EEF2: variants seen among roughly 807,000 people sequenced by gnomAD.
EEF2 encodes the protein elongation factor 2.
Under a neutral mutation model 85.3 loss-of-function variants are expected in EEF2, and 21 were observed. The ratio of observed to expected loss-of-function variants is 0.25; its 90% CI spans 0.17 to 0.35. EEF2 has a LOEUF of 0.35. Ranked by LOEUF, EEF2 falls within the 10% of genes least tolerant of loss-of-function variation. The probability of loss-of-function intolerance (pLI) is 1.00; values close to 1 mark genes in which losing one functional copy is unlikely to be tolerated. For missense variants in EEF2, 825 were observed against 1,225.3 expected (o/e 0.67, Z 4.88); for synonymous variants, 723 against 508.8 (o/e 1.42, Z -5.67).
rs547169026 is a variant in EEF2 at position 3,984,652 on chromosome 19, G to A, written c.4-302C>T. 87 of 371,286 alleles carry A rather than the reference G, an allele frequency of 2.3e-4. No homozygotes were observed. The East Asian group carries it at 4.7e-3, about 20-fold the overall frequency. The allele number at this position is 371,286 out of a possible 1,614,324, so 23.0% of individuals were successfully genotyped here. A position where few individuals can be genotyped will look rare whatever the true frequency, so the allele number is the denominator to read the frequency against. On this transcript the variant is annotated intron_variant, in intron 1 of 14. Transcript: ENST00000309311. The stretch of plus-strand genomic sequence containing the variant: ...GTACAAATACTAAAGTCTCATTTGG[G>A]GCCAAACACGTAAGGGATGAATCCT...
Position 3,984,336 on chromosome 19 carries a change from T to A in EEF2, c.18A>T (p.Val6=). The change falls in exon 2 of 15, where the codon GTA becomes GTT. Residue 6 remains valine, a synonymous_variant. Coordinates refer to ENST00000309311, the MANE Select transcript of EEF2 (RefSeq NM_001961.4). ...TGTCCATGATGGCGCGGATCTGGTC[T>A]ACCGTGAAGTTCACCTGGGCAAGAC... MVNFT[V]DQIRAIMDKK... 1.9e-6 allele frequency: 3 copies of A among 1,614,128 alleles called. No individual in the cohort carries two copies. Among genetic ancestry groups the A allele is most frequent in the Non-Finnish European group, 2.5e-6 (3 of 1,179,974 alleles).
At position 3,979,444 on chromosome 19, in the gene EEF2, G is replaced by A; in HGVS notation, c.1606-8C>T. ...CGACTCCTCGATGATGCACTGAAAG[G>A]GATGCGGGTCAGCACCAAAGGGGTA... On this transcript the variant is annotated splice_polypyrimidine_tract_variant and splice_region_variant and intron_variant, in intron 10 of 14. Coordinates refer to ENST00000309311, the MANE Select transcript of EEF2 (RefSeq NM_001961.4). The A allele has an allele frequency of 1.2e-6, 2 of 1,611,984 alleles. No individual in the cohort carries two copies. The highest frequency in any genetic ancestry group is 1.7e-6 in the Non-Finnish European group (2 of 1,179,324).
rs373888946 is a variant in EEF2, at chr19:3,985,451, G to A, written c.-71C>T. 3.5e-6 allele frequency: 5 copies of A among 1,417,848 alleles called. No individual in the cohort carries two copies. In the East Asian group the frequency reaches 8.3e-5, roughly 24 times the overall value. 87.8% of individuals were successfully genotyped at this position (1,417,848 alleles called of 1,614,324 possible). A position where few individuals can be genotyped will look rare whatever the true frequency, so the allele number is the denominator to read the frequency against. ...GAGTCGCGCCGAGGATGGCGGCGAC[G>A]ACGGCGGAAGAGAACGCTGACGTCA... On this transcript the variant is annotated 5_prime_UTR_variant, in exon 1 of 15. Coordinates refer to ENST00000309311, the MANE Select transcript of EEF2 (RefSeq NM_001961.4).
At chr19:3,980,817 G>A in intron 8 of EEF2, 24 bp downstream of exon 8, 2 of 1,578,874 alleles carry the variant, frequency 1.3e-6, no homozygotes, top group South Asian at 1.1e-5. Flanking sequence ...TGCATCTCAG[G>A]GCCCGGCCAC....
intron 1 of EEF2, 129 bp downstream of exon 1, chr19:3,985,249 G>C (rs1382374710): frequency 4.6e-6 from 5 of 1,077,300 alleles, no homozygotes; most frequent in African/African-American, 1.7e-5. Flanking sequence ...CCCAGCCCCG[G>C]GTCCTCCGGC....
rs1187452219 is a variant in EEF2, at chr19:3,982,270, A to G, written c.767T>C (p.Met256Thr). 3 of 1,613,850 alleles carry G rather than the reference A, an allele frequency of 1.9e-6. No individual in the cohort carries two copies. The highest frequency in any genetic ancestry group is 8.5e-7 in the Non-Finnish European group (1 of 1,179,966). ...PAERAKKVED[M>T]MKKLWGDRYF... Reference sequence around the variant, plus strand: ...CCTGTCACCCCACAGCTTCTTCATCATGTCCTCTACTTTCTTGGCCCGCTC... The same window carrying G: ...CCTGTCACCCCACAGCTTCTTCATCGTGTCCTCTACTTTCTTGGCCCGCTC... Residue 256 changes from methionine (M) to threonine (T), a missense_variant, in exon 5 of 15, where the codon ATG (methionine) becomes ACG (threonine). Coordinates refer to ENST00000309311, the MANE Select transcript of EEF2 (RefSeq NM_001961.4).
At chr19:3,982,472 G>A (rs766394831) in intron 4 of EEF2, 48 bp from the exon 5 acceptor site, 5 of 1,611,718 alleles carry the variant, frequency 3.1e-6, no homozygotes, top group East Asian at 2.2e-5. Context: ...CCTGCGCAGA[G>A]CCTGAAGCTA....
At chr19:3,979,293 G>T in intron 11 of EEF2, 36 bp downstream of exon 11, 1 of 1,557,360 alleles carries the variant, frequency 6.4e-7, no homozygotes, top group Non-Finnish European at 8.9e-7. Flanking sequence ...GGTGTCCGGG[G>T]TGGGGCGTGG....
Position 3,976,641 on chromosome 19 carries a change from G to C in EEF2, c.2490C>G (p.Arg830=), listed in dbSNP as rs1599189474. ...GGGTCTCCGCCACCACCTGGCTGGG[G>C]CGGCTGCTGTTGTCGAAGGGGTCTC... ...LPGDPFDNSS[R]PSQVVAETRK... Residue 830 remains arginine, a synonymous_variant, in exon 15 of 15, where the codon CGC becomes CGG. Transcript: ENST00000309311. 1.2e-6 allele frequency: 2 copies of C among 1,610,306 alleles called. No individual in the cohort carries two copies. The highest frequency in any genetic ancestry group is 1.7e-6 in the Non-Finnish European group (2 of 1,178,770).
At position 3,982,234 on chromosome 19, in the gene EEF2, C is replaced by T. The variant is rs756649814; in HGVS notation, c.791+12G>A. ...GTGTCAGGAATCCCCCACCATATCC[C>T]GCGGGGCTCACCTGTCACCCCACAG... On this transcript the variant is annotated intron_variant, in intron 5 of 14. Transcript: ENST00000309311. 1.2e-5 allele frequency: 20 copies of T among 1,613,312 alleles called. No homozygotes were observed. The highest frequency in any genetic ancestry group is 6.7e-5 in the East Asian group (3 of 44,886).
In EEF2 at chr19:3,977,504, G is replaced by A; in HGVS notation, c.2174C>T (p.Ala725Val). 6.3e-7 allele frequency: 1 copy of A among 1,591,858 alleles called. No homozygotes were observed. Among genetic ancestry groups the A allele is most frequent in the African/African-American group, 1.3e-5 (1 of 74,848 alleles). Residue 725 changes from alanine (A) to valine (V), a missense_variant, in exon 13 of 15, where the codon GCA becomes GTA. By Grantham distance (64) the Ala-to-Val change is moderately conservative (BLOSUM62 0). Transcript: ENST00000309311. The surrounding 1 kb of genome is among the most constrained non-coding windows in gnomAD (Gnocchi z 5.4). ...HRGGGQIIPT[A>V]RRCLYASVLT... ...CACACTGGCATAGAGGCAGCGCCGTGCTGTGGGGATGATCTGGCCCCCTCC... is the reference window on the plus strand; with the variant it reads ...CACACTGGCATAGAGGCAGCGCCGTACTGTGGGGATGATCTGGCCCCCTCC...
chr19:3,985,145 C>G, intron 1 of EEF2: 1 of 420,704 alleles, frequency 2.4e-6, no homozygotes, highest in African/African-American at 2.0e-5. Context: ...AACAACCCAG[C>G]TCCAACCAGG....
Position 3,978,050 on chromosome 19 carries a change from G to T in EEF2, c.1836C>A (p.Gly612=), listed in dbSNP as rs201326053. The T allele has an allele frequency of 1.3e-6, 2 of 1,594,364 alleles. No individual in the cohort carries two copies. The change falls in exon 12 of 15, where the codon GGC becomes GGA. Residue 612 remains glycine (G), a synonymous_variant. Transcript: ENST00000309311. ...CGCCTTTATCGATGTCCTCGGCCAG[G>T]CCGTCGGGGAAGGGCCGCGCCTTCA... is the stretch of plus-strand genomic sequence containing the variant. ...LYMKARPFPD[G]LAEDIDKGEV...
chr19:3,978,349 G>A lies in EEF2; in HGVS notation c.1714-177C>T, dbSNP rs141977151. Reference sequence around the variant, plus strand: ...CCAAGCGCATCTCACTCCAGACAAGGACAAGGAGCAGGGGCTCCACTGAGC... The same window carrying A: ...CCAAGCGCATCTCACTCCAGACAAGAACAAGGAGCAGGGGCTCCACTGAGC... On this transcript the variant is annotated intron_variant, in intron 11 of 14. Transcript: ENST00000309311. Among the ~76,000 whole-genome samples the A allele has an allele frequency of 1.5e-3, 228 of 152,146 alleles. 1 individual carries two copies. The highest frequency in any genetic ancestry group is 9.7e-3 in the East Asian group (50 of 5,172).
Position 3,977,715 on chromosome 19 carries a change from CCCGCCTTGG to C in EEF2, c.2067+95_2067+103del, listed in dbSNP as rs1599190794. The C allele has an allele frequency of 6.8e-7, 1 of 1,479,688 alleles. No individual in the cohort carries two copies. Among genetic ancestry groups the C allele is most frequent in the Non-Finnish European group, 8.9e-7 (1 of 1,117,906 alleles). The allele number at this position is 1,479,688 out of a possible 1,614,324, so 91.7% of individuals were successfully genotyped here. Reference sequence around the variant, plus strand: ...TCCACCAGGGGGACCTGGGGCCTTGCCCGCCTTGGCCCCATTAGGGTCTCTGTCTCGGGA... The same window carrying C: ...TCCACCAGGGGGACCTGGGGCCTTGCCCCCATTAGGGTCTCTGTCTCGGGA... On this transcript the variant is annotated intron_variant, in intron 12 of 14. Coordinates refer to ENST00000309311, the MANE Select transcript of EEF2 (RefSeq NM_001961.4). This position sits in a 1 kb window ranked among gnomAD's most constrained non-coding sequence, Gnocchi z 5.4.
intron 4 of EEF2, 95 bp from the exon 5 acceptor site, chr19:3,982,519 G>A (rs1428796583): frequency 5.4e-6 from 8 of 1,467,946 alleles, no homozygotes; most frequent in Admixed American, 5.0e-5. Flanking sequence ...TCAGACGCAG[G>A]CTTTCTTCAG....
In EEF2 at chr19:3,984,176, G is replaced by A. The variant is rs769417606; in HGVS notation, c.178C>T (p.Arg60Trp). 1 of 1,614,016 alleles carries A rather than the reference G, an allele frequency of 6.2e-7. No individual in the cohort carries two copies. The highest frequency in any genetic ancestry group is 8.5e-7 in the Non-Finnish European group (1 of 1,179,996). ...RAGETRFTDT[R>W]KDEQERCITI... ...ATGCAACGCTCCTGCTCGTCCTTCC[G>A]GGTATCAGTGAAGCGTGTCTCCCCG... Residue 60 changes from arginine (R) to tryptophan (W), a missense_variant, in exon 2 of 15, where the codon CGG becomes TGG. Coordinates refer to ENST00000309311, the MANE Select transcript of EEF2 (RefSeq NM_001961.4).
At chr19:3,980,811 T>A in intron 8 of EEF2, 30 bp downstream of exon 8, 3 of 1,582,982 alleles carry the variant, frequency 1.9e-6, no homozygotes, top group Non-Finnish European at 2.6e-6. Context: ...TCCGGCTGCA[T>A]CTCAGGGCCC....
At chr19:3,979,707 AC>A (rs1256582990) in intron 10 of EEF2, 100 bp downstream of exon 10, 1 of 1,504,886 alleles carries the variant, frequency 6.6e-7, no homozygotes, top group African/African-American at 1.4e-5. Flanking sequence ...ATGACCAGTC[AC>A]CCCAATCCAC....
Sources: gnomAD v4.1 joint callset for allele counts (sites outside exome capture counted in the v4.1 genomes callset) on GRCh38, gnomAD v4.1.1 for gene constraint, Gnocchi (gnomAD v3.1) non-coding constraint, MANE v1.5 for transcripts, NCBI Gene and HGNC (gene_info 2026-07-23, HGNC 2026-07-21) for gene names.